The following FRMD4A variants were observed in gnomAD, a reference collection of about 807,000 sequenced individuals.
The protein encoded by FRMD4A is FERM domain containing 4A.
A neutral mutation model predicts 129.1 loss-of-function variants in FRMD4A; 29 were observed. The ratio of observed to expected loss-of-function variants is 0.22; its 90% confidence interval spans 0.17 to 0.31. The LOEUF (loss-of-function observed/expected upper bound fraction) is 0.31, where lower values mean the gene tolerates loss of function less well. FRMD4A is among the 10% of genes least tolerant of loss of function. FRMD4A has a pLI of 1.00. For missense variants in FRMD4A, 1,272 were observed against 1,375.8 expected (o/e 0.92, Z 1.19); for synonymous variants, 634 against 571.6 (o/e 1.11, Z -1.56).
At chr10:13,705,247 G>T (rs1476889520) in intron 13 of FRMD4A, among the ~76,000 whole-genome samples, 1 of 152,170 alleles carries the variant, frequency 6.6e-6, no homozygotes, top group African/African-American at 2.4e-5. Flanking sequence ...CAGGCCCACT[G>T]AATAGTCACG....
At chr10:14,219,112 A>T (rs1264575503) in intron 2 of FRMD4A, among the ~76,000 whole-genome samples, 1 of 152,104 alleles carries the variant, frequency 6.6e-6, no homozygotes, top group East Asian at 1.9e-4. Flanking sequence ...AAAGCCAGAT[A>T]CACAAGGCTC....
intron 2 of FRMD4A, among the ~76,000 whole-genome samples, chr10:14,182,195 GAC>G (rs1275415690): frequency 6.6e-6 from 1 of 152,144 alleles, no homozygotes; most frequent in African/African-American, 2.4e-5. Context: ...GATGGGAGTT[GAC>G]ACAGTTTCTG....
intron 2 of FRMD4A, among the ~76,000 whole-genome samples, chr10:14,211,127 T>A (rs750421645): frequency 1.3e-5 from 2 of 152,198 alleles, no homozygotes; most frequent in African/African-American, 2.4e-5. Context: ...ACTTCCCTGG[T>A]ATAACAGTAC....
chr10:13,706,338 A>G (rs1387381680), intron 13 of FRMD4A, among the ~76,000 whole-genome samples: 3 of 152,150 alleles, frequency 2.0e-5, no homozygotes, highest in Non-Finnish European at 2.9e-5. Flanking sequence ...AGAGGAAAAC[A>G]GTGGGTATGA....
At chr10:14,219,297 AC>A (rs1843173473) in intron 2 of FRMD4A, among the ~76,000 whole-genome samples, 1 of 152,144 alleles carries the variant, frequency 6.6e-6, no homozygotes, top group Admixed American at 6.6e-5. Flanking sequence ...GTTGGAGGAC[AC>A]CCATTCTGTC....
At chr10:14,090,962 C>T (rs1029813991) in intron 2 of FRMD4A, among the ~76,000 whole-genome samples, 1 of 152,160 alleles carries the variant, frequency 6.6e-6, no homozygotes, top group Non-Finnish European at 1.5e-5. Context: ...GCACACACCA[C>T]CACGCCCAGC....
intron 14 of FRMD4A, among the ~76,000 whole-genome samples, chr10:13,695,226 T>C (rs577858987): frequency 1.4e-4 from 21 of 152,038 alleles, no homozygotes; most frequent in Non-Finnish European, 2.8e-4. Context: ...CTGCAACCTC[T>C]GCCTCCTGGG....
chr10:14,050,992 C>G (rs1834230265), intron 2 of FRMD4A, among the ~76,000 whole-genome samples: 1 of 152,194 alleles, frequency 6.6e-6, no homozygotes, highest in South Asian at 2.1e-4. Context: ...TTTTGAAGTA[C>G]AGGAGGCCCA....
At chr10:14,267,134 T>G (rs567985071) in intron 2 of FRMD4A, among the ~76,000 whole-genome samples, 1 of 152,328 alleles carries the variant, frequency 6.6e-6, no homozygotes, top group Admixed American at 6.5e-5. Context: ...AAATAGAGTC[T>G]ATGGCTGAAG....
intron 2 of FRMD4A, among the ~76,000 whole-genome samples, chr10:14,235,210 C>T (rs1016442453): frequency 6.7e-6 from 1 of 149,254 alleles, no homozygotes; most frequent in African/African-American, 2.5e-5. Context: ...AGTGCAGTGG[C>T]GCGATCTCGG....
chr10:13,683,067 G>C (rs1228593605), intron 15 of FRMD4A, among the ~76,000 whole-genome samples: 1 of 152,074 alleles, frequency 6.6e-6, no homozygotes, highest in Non-Finnish European at 1.5e-5. Flanking sequence ...CACCCAGGCT[G>C]GAGTGCAGTG....
chr10:14,219,682 AG>A (rs1346759754), intron 2 of FRMD4A, among the ~76,000 whole-genome samples: 1 of 152,194 alleles, frequency 6.6e-6, no homozygotes, highest in Non-Finnish European at 1.5e-5. Flanking sequence ...GAGACAGCTA[AG>A]CCCCATGTAA....
At chr10:14,073,017 G>T (rs958594948) in intron 2 of FRMD4A, among the ~76,000 whole-genome samples, 4 of 151,444 alleles carry the variant, frequency 2.6e-5, no homozygotes, top group African/African-American at 9.8e-5. Context: ...GAGCCAAAAA[G>T]AAGGGATAAA....
At chr10:14,107,756 T>C (rs1234524105) in intron 2 of FRMD4A, among the ~76,000 whole-genome samples, 1 of 152,232 alleles carries the variant, frequency 6.6e-6, no homozygotes, top group Non-Finnish European at 1.5e-5. Flanking sequence ...AATCACTCTA[T>C]GGTTGTACAT....
intron 2 of FRMD4A, among the ~76,000 whole-genome samples, chr10:14,093,008 A>G (rs1349298334): frequency 6.6e-6 from 1 of 152,190 alleles, no homozygotes; most frequent in Non-Finnish European, 1.5e-5. Context: ...AAGAGCATTC[A>G]GCTGGAACTA....
intron 17 of FRMD4A, among the ~76,000 whole-genome samples, chr10:13,666,769 C>T (rs1481061666): frequency 6.6e-6 from 1 of 152,172 alleles, no homozygotes; most frequent in Non-Finnish European, 1.5e-5. Context: ...AGCTCACACA[C>T]ATGAGCTAAT....
intron 2 of FRMD4A, among the ~76,000 whole-genome samples, chr10:14,039,455 A>ATCTATCTATCT (rs1565204710): frequency 4.6e-5 from 3 of 64,590 alleles, no homozygotes; most frequent in Non-Finnish European, 7.6e-5. Context: ...AAAATCAATC[A>ATCTATCTATCT]ATCTATCTAT....
Position 13,740,272 on chromosome 10 carries a change from T to C in FRMD4A, c.615-21A>G, listed in dbSNP as rs770310622. ...TGTAGCTGGAATGACAACACGAAGA[T>C]ACACAAACACACACACAATGCGCAA... On this transcript the variant is annotated intron_variant, in intron 10 of 24. Transcript: ENST00000357447. 7 of 1,561,914 alleles carry C rather than the reference T, an allele frequency of 4.5e-6. No individual in the cohort carries two copies. In the South Asian group the frequency reaches 6.7e-5, roughly 15 times the overall value.
chr10:13,772,450 A>G (rs2092484727), intron 6 of FRMD4A, among the ~76,000 whole-genome samples: 1 of 152,056 alleles, frequency 6.6e-6, no homozygotes, highest in Non-Finnish European at 1.5e-5. Flanking sequence ...AGGAGCTGTC[A>G]ATGCTGGTTT....
Sources: gnomAD v4.1 joint callset for allele counts (sites outside exome capture counted in the v4.1 genomes callset) on GRCh38, gnomAD v4.1.1 for gene constraint, MANE v1.5 for transcripts, NCBI Gene and HGNC (gene_info 2026-07-23, HGNC 2026-07-21) for gene names.